PLCG2: variants seen among roughly 807,000 people sequenced by gnomAD.
PLCG2 encodes the protein phospholipase C gamma 2.
PLCG2 carries 69 observed loss-of-function variants against 175.6 expected under a neutral mutation model. The observed-to-expected ratio is 0.39, with a 90% confidence interval of 0.32 to 0.48. PLCG2 has a LOEUF of 0.48. Ranked by LOEUF, PLCG2 falls within the 20% of genes least tolerant of loss-of-function variation. The pLI is 0.91. For synonymous variants in PLCG2, 827 were observed against 624.0 expected, an observed-to-expected ratio of 1.33 and a Z score of -4.85; for missense variants, 1,798 against 1,650.9, an observed-to-expected ratio of 1.09 and a Z score of -1.54.
At chr16:81,916,501 T>C (rs1184764494) in intron 19 of PLCG2, among the ~76,000 whole-genome samples, 1 of 152,204 alleles carries the variant, frequency 6.6e-6, no homozygotes, top group Non-Finnish European at 1.5e-5. Flanking sequence ...ATATGTATCA[T>C]GTACAACATG....
chr16:81,846,089 C>T (rs1906099283), intron 2 of PLCG2, among the ~76,000 whole-genome samples: 1 of 152,222 alleles, frequency 6.6e-6, no homozygotes, highest in African/African-American at 2.4e-5. Flanking sequence ...GCTTGTGCTC[C>T]ATTTCCCAGC....
At chr16:81,778,066 AAAAACACACACAC>A (rs1910524010), upstream of PLCG2, among the ~76,000 whole-genome samples, 2 of 84,912 alleles carry the variant, frequency 2.4e-5, 1 homozygote, top group Non-Finnish European at 5.0e-5. Context: ...AAAAAAAACC[AAAAACACACACAC>A]ACAAAAAAAA....
chr16:81,889,322 G>A (rs1479837000), intron 10 of PLCG2, 49 bp downstream of exon 10: 2 of 989,636 alleles, frequency 2.0e-6, no homozygotes, highest in African/African-American at 1.6e-5. Flanking sequence ...TTTGATTGAT[G>A]TCTGTGCTTT....
chr16:81,747,683 C>T (rs1909731344), intron 1 of PLCG2, among the ~76,000 whole-genome samples: 1 of 152,064 alleles, frequency 6.6e-6, no homozygotes, highest in Non-Finnish European at 1.5e-5. Context: ...TAATAAGGTG[C>T]AACATCATCT....
intron 2 of PLCG2, among the ~76,000 whole-genome samples, chr16:81,852,529 C>G (rs1009030808): frequency 2.0e-5 from 3 of 152,074 alleles, no homozygotes; most frequent in Non-Finnish European, 4.4e-5. Flanking sequence ...GTTCACTGGT[C>G]ATCTTGTAGG....
At chr16:81,785,449 G>C (rs1046117954) in intron 1 of PLCG2, among the ~76,000 whole-genome samples, 5 of 151,862 alleles carry the variant, frequency 3.3e-5, no homozygotes, top group Non-Finnish European at 7.4e-5. Flanking sequence ...ATTTGCCAAA[G>C]TCTCCATGGA....
intron 2 of PLCG2, among the ~76,000 whole-genome samples, chr16:81,845,886 T>G (rs1236287563): frequency 6.6e-6 from 1 of 152,212 alleles, no homozygotes; most frequent in East Asian, 1.9e-4. Context: ...TGCTTGACTA[T>G]GAGTCAAAGT....
chr16:81,761,999 T>G (rs1910051614), intron 2 of PLCG2, among the ~76,000 whole-genome samples: 1 of 151,842 alleles, frequency 6.6e-6, no homozygotes, highest in Non-Finnish European at 1.5e-5. Flanking sequence ...GCCCAGCTAC[T>G]TTTTGTATTT....
chr16:81,829,825 G>T (rs1183380880), intron 2 of PLCG2, among the ~76,000 whole-genome samples: 1 of 152,030 alleles, frequency 6.6e-6, no homozygotes, highest in East Asian at 1.9e-4. Context: ...ATTGCAGAGG[G>T]TGCTGTGGTA....
At chr16:81,795,655 T>C (rs961641731) in intron 2 of PLCG2, among the ~76,000 whole-genome samples, 4 of 151,688 alleles carry the variant, frequency 2.6e-5, no homozygotes, top group African/African-American at 9.7e-5. Flanking sequence ...TGGAGGTTTC[T>C]ATGGGCCATA....
At chr16:81,794,259 T>G (rs1270537456) in intron 2 of PLCG2, among the ~76,000 whole-genome samples, 1 of 152,210 alleles carries the variant, frequency 6.6e-6, no homozygotes, top group Non-Finnish European at 1.5e-5. Flanking sequence ...AATCCACTCT[T>G]GGACTTCTTT....
At chr16:81,919,138 T>C (rs1311653674) in intron 19 of PLCG2, among the ~76,000 whole-genome samples, 2 of 152,190 alleles carry the variant, frequency 1.3e-5, no homozygotes, top group Non-Finnish European at 1.5e-5. Context: ...TAAAGCTTTA[T>C]TTATAAAAGC....
At chr16:81,787,862 C>A (rs1911053023) in intron 2 of PLCG2, among the ~76,000 whole-genome samples, 1 of 152,140 alleles carries the variant, frequency 6.6e-6, no homozygotes, top group Admixed American at 6.6e-5. Flanking sequence ...TTTGACTCAG[C>A]ATTTTTCAAG....
intron 5 of PLCG2, among the ~76,000 whole-genome samples, chr16:81,860,160 ATTATTATTATTATTTTTT>A (rs956489010): frequency 4.1e-5 from 4 of 97,442 alleles, no homozygotes; most frequent in Non-Finnish European, 9.4e-5. Flanking sequence ...TATTATTATT[ATTATTATTATTATTTTTT>A]TTTTTTTTTG....
chr16:81,830,392 C>G (rs1003929606), intron 2 of PLCG2, among the ~76,000 whole-genome samples: 1 of 152,082 alleles, frequency 6.6e-6, no homozygotes, highest in Non-Finnish European at 1.5e-5. Flanking sequence ...CTGCAACCTC[C>G]ACTTCTTGGG....
chr16:81,848,885 G>T (rs1845311522), intron 2 of PLCG2, among the ~76,000 whole-genome samples: 1 of 152,204 alleles, frequency 6.6e-6, no homozygotes, highest in Admixed American at 6.5e-5. Context: ...GCTTGGTATA[G>T]ATCATAGCAG....
At chr16:81,894,627 CTG>C (rs1412621451) in intron 12 of PLCG2, among the ~76,000 whole-genome samples, 4 of 152,184 alleles carry the variant, frequency 2.6e-5, no homozygotes, top group Non-Finnish European at 5.9e-5. Flanking sequence ...AATCCCAGCA[CTG>C]TGAGAGGTCG....
intron 31 of PLCG2, 136 bp from the exon 32 acceptor site, chr16:81,956,559 G>A (rs571653311): frequency 6.4e-4 from 385 of 598,996 alleles, no homozygotes; most frequent in Non-Finnish European, 7.9e-4. Context: ...AATAGGCCCT[G>A]GCTCTTCTGG....
At chr16:81,794,873 C>T (rs542001743) in intron 2 of PLCG2, among the ~76,000 whole-genome samples, 50 of 152,300 alleles carry the variant, frequency 3.3e-4, no homozygotes, top group Non-Finnish European at 6.3e-4. Flanking sequence ...CCTGCTCCCC[C>T]TGGAGTATGT....
Sources: allele counts gnomAD v4.1 joint callset (sites outside exome capture counted in the v4.1 genomes callset), GRCh38; gene constraint gnomAD v4.1.1; transcripts MANE v1.5; gene names NCBI Gene and HGNC (gene_info 2026-07-23, HGNC 2026-07-21).